Variants in SOD2 observed in about 807,000 individuals in gnomAD.
The protein encoded by SOD2 is superoxide dismutase 2, also known as superoxide dismutase [Mn], mitochondrial.
In SOD2, 11 loss-of-function variants were observed where a neutral mutation model predicts 27.0. That is an observed-to-expected ratio of 0.41 (90% CI 0.26 to 0.67). SOD2 has a LOEUF of 0.67. Ranked by LOEUF, SOD2 falls within the 30% of genes least tolerant of loss-of-function variation. The pLI is 0.34. For missense variants in SOD2, 250 were observed against 274.5 expected (o/e 0.91, Z 0.63); for synonymous variants, 105 against 103.0 (o/e 1.02, Z -0.12).
chr6:159,762,236 T>A, exon 1 of SOD2: 1 of 1,436,984 alleles, frequency 7.0e-7, no homozygotes, highest in Non-Finnish European at 9.3e-7. Flanking sequence ...GGGGCGTATG[T>A]GGAGGAAGCC....
rs766576089 is a variant in SOD2 at position 159,692,797 on chromosome 6, G to T, written c.90C>A (p.Asp30Glu). 1.5e-5 allele frequency: 24 copies of T among 1,613,938 alleles called. No individual in the cohort carries two copies. In the Admixed American group the frequency reaches 3.5e-4, roughly 24 times the overall value. The change falls in exon 2 of 5, where the codon GAC (aspartate) becomes GAA (glutamate). Residue 30 changes from aspartate (D) to glutamate (E), a missense_variant. Asp to Glu is a conservative substitution (Grantham distance 45). Coordinates refer to ENST00000538183, the MANE Select transcript of SOD2 (RefSeq NM_000636.4). Reference protein sequence around the residue: ...LGSRQKHSLPDLPYDYGALEP... With the variant: ...LGSRQKHSLPELPYDYGALEP... ...CCAGGGCGCCGTAGTCGTAGGGCAG[G>T]TCGGGGAGGCTGTGCTTCTGCCTGG...
intron 1 of SOD2, chr6:159,741,571 G>T (rs537107177): frequency 2.0e-5 from 3 of 152,324 alleles, no homozygotes; most frequent in African/African-American, 7.2e-5. Flanking sequence ...TGAATCTGGG[G>T]TTTGATCTCA....
At chr6:159,732,107 G>A (rs557787966), upstream of SOD2, among the ~76,000 whole-genome samples, 5 of 152,134 alleles carry the variant, frequency 3.3e-5, no homozygotes, top group South Asian at 4.1e-4. Flanking sequence ...CTCAGGTTTC[G>A]CATCCCGTGA....
At chr6:159,743,546 A>T in intron 1 of SOD2, 1 of 966,562 alleles carries the variant, frequency 1.0e-6, no homozygotes, top group Non-Finnish European at 1.5e-6. Context: ...TTATAAAAGT[A>T]GTTAGGATGG....
chr6:159,760,769 G>C (rs1051160380), intron 1 of SOD2: 3 of 152,294 alleles, frequency 2.0e-5, no homozygotes, highest in African/African-American at 7.2e-5. Context: ...CAAAGACTCA[G>C]AAGTGGCCAG....
intron 1 of SOD2, among the ~76,000 whole-genome samples, chr6:159,744,548 T>C (rs750525360): frequency 2.6e-5 from 4 of 152,188 alleles, no homozygotes; most frequent in Non-Finnish European, 4.4e-5. Flanking sequence ...CTTTTGCCAA[T>C]AGAATGTTCC....
intron 4 of SOD2, among the ~76,000 whole-genome samples, chr6:159,684,549 G>A (rs575548079): frequency 2.6e-5 from 4 of 152,168 alleles, no homozygotes; most frequent in East Asian, 3.9e-4. Flanking sequence ...CCCAGGAGGC[G>A]GAGGTTGCAG....
At chr6:159,729,314 A>AT (rs1778421469), upstream of SOD2, among the ~76,000 whole-genome samples, 1 of 152,090 alleles carries the variant, frequency 6.6e-6, no homozygotes, top group Non-Finnish European at 1.5e-5. Flanking sequence ...CTTGTTTTTA[A>AT]TTTTTTTAGT....
chr6:159,686,491 C>T (rs568892435), intron 3 of SOD2, among the ~76,000 whole-genome samples: 1 of 151,904 alleles, frequency 6.6e-6, no homozygotes, highest in African/African-American at 2.4e-5. Flanking sequence ...ACTAAAAATA[C>T]AAAAAAATTA....
intron 3 of SOD2, among the ~76,000 whole-genome samples, 193 bp downstream of exon 3, chr6:159,687,932 AC>A (rs756775118): frequency 1.7e-4 from 26 of 152,140 alleles, no homozygotes; most frequent in Non-Finnish European, 2.8e-4. Context: ...AATCACTTGA[AC>A]CCAGGAAGCG....
At chr6:159,761,605 G>A (rs746651918) in exon 1 of SOD2, 29 of 455,978 alleles carry the variant, frequency 6.4e-5, no homozygotes, top group Admixed American at 4.7e-5. Flanking sequence ...GCTCGCACTC[G>A]AGATTCTCGC....
In SOD2 at chr6:159,682,397, T is replaced by C. The variant is rs1364718078; in HGVS notation, c.*96A>G. On this transcript the variant is annotated 3_prime_UTR_variant, in exon 5 of 5. Transcript: ENST00000538183. ...TAAGTGACTAAGCAACATCAAGAAA[T>C]GCTACAATAGAGCAGCTTACTGTAT... 1.0e-6 allele frequency: 1 copy of C among 996,938 alleles called. No individual in the cohort carries two copies. The highest frequency in any genetic ancestry group is 1.7e-5 in the African/African-American group (1 of 60,018). The allele number at this position is 996,938 out of a possible 1,614,324, so 61.8% of individuals were successfully genotyped here.
At chr6:159,687,993 A>G in intron 3 of SOD2, 133 bp downstream of exon 3, 1 of 646,968 alleles carries the variant, frequency 1.5e-6, no homozygotes. Context: ...CCTGGGCAAC[A>G]AGAGCAAAAC....
intron 1 of SOD2, among the ~76,000 whole-genome samples, chr6:159,754,378 A>G (rs1264470440): frequency 6.6e-6 from 1 of 152,168 alleles, no homozygotes; most frequent in Non-Finnish European, 1.5e-5. Context: ...TAAGGATCAG[A>G]CTTGCTATGG....
chr6:159,739,178 A>G, intron 1 of SOD2: 1 of 684,778 alleles, frequency 1.5e-6, no homozygotes. Context: ...GTACTTTTTG[A>G]GCATACTATG....
chr6:159,755,652 G>C (rs1422191832), intron 1 of SOD2: 2 of 1,521,700 alleles, frequency 1.3e-6, no homozygotes, highest in Non-Finnish European at 1.8e-6. Context: ...ATTTAATTTG[G>C]GAGAGGATAC....
Position 159,692,794 on chromosome 6 carries a change from C to A in SOD2, c.93G>T (p.Leu31=). 2 of 1,614,064 alleles carry A rather than the reference C, an allele frequency of 1.2e-6. No homozygotes were observed. The highest frequency in any genetic ancestry group is 1.7e-6 in the Non-Finnish European group (2 of 1,180,012). Residue 31 remains leucine, a synonymous_variant, in exon 2 of 5, where the codon CTG becomes CTT. Transcript: ENST00000538183. ...GTTCCAGGGCGCCGTAGTCGTAGGG[C>A]AGGTCGGGGAGGCTGTGCTTCTGCC... ...GSRQKHSLPD[L]PYDYGALEPH... is the part of the protein sequence containing the mutation.
chr6:159,745,965 T>G (rs184990501), upstream of SOD2, among the ~76,000 whole-genome samples: 1 of 151,962 alleles, frequency 6.6e-6, no homozygotes, highest in Non-Finnish European at 1.5e-5. Flanking sequence ...TTGTCTTGTT[T>G]GACTGAGTAA....
At chr6:159,690,447 T>TA (rs922732490) in intron 2 of SOD2, among the ~76,000 whole-genome samples, 38 of 150,826 alleles carry the variant, frequency 2.5e-4, no homozygotes, top group African/African-American at 7.3e-4. Context: ...TAGACAGAAT[T>TA]AAAAAAAAAA....
Sources: gnomAD v4.1 joint callset for allele counts (sites outside exome capture counted in the v4.1 genomes callset) on GRCh38, gnomAD v4.1.1 for gene constraint, MANE v1.5 for transcripts, NCBI Gene and HGNC (gene_info 2026-07-23, HGNC 2026-07-21) for gene names.